Variants in VWA8 observed in about 807,000 individuals in gnomAD.
VWA8 encodes von Willebrand factor A domain containing 8.
VWA8 carries 221 observed loss-of-function variants against 241.5 expected under a neutral mutation model. The ratio of observed to expected loss-of-function variants is 0.91; its 90% CI spans 0.82 to 1.02. The LOEUF is 1.02. Among genes scored for constraint, VWA8 ranks in the 50% least tolerant of loss-of-function variants. The pLI, the probability that VWA8 is intolerant of heterozygous loss-of-function variation, is 0.00. For missense variants in VWA8, 2,322 were observed against 2,328.7 expected (o/e 1.00, Z 0.06); for synonymous variants, 852 against 827.1 (o/e 1.03, Z -0.52).
chr13:41,953,931 A>C (rs1348431665), intron 1 of VWA8, among the ~76,000 whole-genome samples: 1 of 152,246 alleles, frequency 6.6e-6, no homozygotes, highest in Non-Finnish European at 1.5e-5. Context: ...AAACATTTGG[A>C]AATCAAGCAA....
In VWA8 at chr13:41,885,994, A is replaced by C. The variant is rs61731754; in HGVS notation, c.901T>G (p.Cys301Gly). ...SQLLSFATTL[C>G]SQESSTLGLP... Reference sequence around the variant, plus strand: ...CCAAGAGTAGAAGATTCTTGGGAACACAGAGTTGTGGCAAAGGACAAGAGC... The same window carrying C: ...CCAAGAGTAGAAGATTCTTGGGAACCCAGAGTTGTGGCAAAGGACAAGAGC... Residue 301 changes from cysteine to glycine, a missense_variant, in exon 8 of 45, where the codon TGT becomes GGT. Coordinates refer to ENST00000379310, the MANE Select transcript of VWA8 (RefSeq NM_015058.2). The C allele has an allele frequency of 2.5e-6, 4 of 1,607,070 alleles. No homozygotes were observed. The highest frequency in any genetic ancestry group is 3.4e-6 in the Non-Finnish European group (4 of 1,178,280).
At chr13:41,701,017 C>A (rs1289437941) in intron 28 of VWA8, among the ~76,000 whole-genome samples, 1 of 152,188 alleles carries the variant, frequency 6.6e-6, no homozygotes, top group African/African-American at 2.4e-5. Flanking sequence ...TTAATGACTG[C>A]AAATCACTCC....
At chr13:41,901,758 C>T (rs964944554) in intron 4 of VWA8, among the ~76,000 whole-genome samples, 1 of 147,900 alleles carries the variant, frequency 6.8e-6, no homozygotes, top group Non-Finnish European at 1.5e-5. Flanking sequence ...CCCAGTTACT[C>T]GGGAGGCTGA....
At chr13:41,922,577 C>A (rs565518112) in intron 2 of VWA8, among the ~76,000 whole-genome samples, 2 of 152,070 alleles carry the variant, frequency 1.3e-5, no homozygotes, top group African/African-American at 2.4e-5. Flanking sequence ...AGAACTTAAA[C>A]AAAATTACAA....
At chr13:41,934,506 A>G (rs1195549228) in intron 2 of VWA8, among the ~76,000 whole-genome samples, 2 of 152,054 alleles carry the variant, frequency 1.3e-5, no homozygotes, top group Non-Finnish European at 2.9e-5. Flanking sequence ...ATCAATGTTG[A>G]GAGCAGCTTT....
intron 21 of VWA8, among the ~76,000 whole-genome samples, chr13:41,757,492 T>C (rs925424629): frequency 3.3e-5 from 5 of 151,812 alleles, no homozygotes; most frequent in African/African-American, 9.6e-5. Context: ...GTTTGTTACA[T>C]GGCTATATTG....
intron 28 of VWA8, 123 bp downstream of exon 28, chr13:41,701,269 T>C: frequency 8.2e-7 from 1 of 1,223,114 alleles, no homozygotes; most frequent in Non-Finnish European, 1.1e-6. Context: ...ATAATTGCTA[T>C]CCAATCCAAG....
chr13:41,815,704 T>C (rs966471676), intron 16 of VWA8, among the ~76,000 whole-genome samples: 1 of 152,176 alleles, frequency 6.6e-6, no homozygotes, highest in African/African-American at 2.4e-5. Context: ...AAAGAAAAAA[T>C]AAATTTCTAT....
At chr13:41,873,863 C>T (rs1437787776) in intron 9 of VWA8, among the ~76,000 whole-genome samples, 2 of 152,090 alleles carry the variant, frequency 1.3e-5, no homozygotes, top group African/African-American at 2.4e-5. Flanking sequence ...ATACCAAAGC[C>T]GGGCAGAGAC....
At chr13:41,960,477 G>A (rs1878559650) in intron 1 of VWA8, among the ~76,000 whole-genome samples, 1 of 152,206 alleles carries the variant, frequency 6.6e-6, no homozygotes, top group African/African-American at 2.4e-5. Context: ...GAGGCTCAGA[G>A]AGCAAGGTCA....
At chr13:41,691,635 T>C (rs772643348) in intron 31 of VWA8, among the ~76,000 whole-genome samples, 190 bp from the exon 32 acceptor site, 19 of 152,098 alleles carry the variant, frequency 1.2e-4, no homozygotes, top group Non-Finnish European at 2.4e-4. Context: ...TGTGTATAAG[T>C]AAAAATAATG....
At chr13:41,739,710 T>C (rs1371346640) in intron 21 of VWA8, among the ~76,000 whole-genome samples, 3 of 152,164 alleles carry the variant, frequency 2.0e-5, no homozygotes, top group South Asian at 2.1e-4. Context: ...ATGATAGATA[T>C]TCGTAAAGGA....
At chr13:41,776,446 C>T (rs1237755574) in intron 20 of VWA8, among the ~76,000 whole-genome samples, 2 of 152,070 alleles carry the variant, frequency 1.3e-5, no homozygotes. Context: ...CTTCATCTTC[C>T]CACTCTGGTA....
intron 44 of VWA8, among the ~76,000 whole-genome samples, chr13:41,569,605 G>A (rs998567323): frequency 1.3e-5 from 2 of 150,632 alleles, no homozygotes; most frequent in Non-Finnish European, 3.0e-5. Flanking sequence ...TAAAAGGGGT[G>A]GAATAACAAA....
chr13:41,840,440 C>T (rs1179746016), intron 12 of VWA8, among the ~76,000 whole-genome samples: 1 of 151,496 alleles, frequency 6.6e-6, no homozygotes, highest in Non-Finnish European at 1.5e-5. Flanking sequence ...ACGTTCTGCA[C>T]ATGTATCCCA....
At chr13:41,825,332 G>A (rs1383772789) in intron 14 of VWA8, among the ~76,000 whole-genome samples, 2 of 152,122 alleles carry the variant, frequency 1.3e-5, no homozygotes, top group African/African-American at 4.8e-5. Flanking sequence ...ACTATTCTGG[G>A]AGCCTAGAGA....
chr13:41,592,523 C>T (rs954561320), intron 40 of VWA8, among the ~76,000 whole-genome samples: 2 of 149,212 alleles, frequency 1.3e-5, no homozygotes. Context: ...AGCATTGACA[C>T]CAAGGAATGA....
intron 41 of VWA8, 47 bp downstream of exon 41, chr13:41,590,593 A>C (rs1479973259): frequency 2.6e-6 from 4 of 1,520,006 alleles, no homozygotes; most frequent in Non-Finnish European, 3.6e-6. Flanking sequence ...TTCTGTAAAG[A>C]GGGCTAGACT....
At chr13:41,781,457 G>A (rs1422135582) in intron 19 of VWA8, among the ~76,000 whole-genome samples, 1 of 152,018 alleles carries the variant, frequency 6.6e-6, no homozygotes, top group Admixed American at 6.6e-5. Flanking sequence ...TAAGTAAACT[G>A]CACATACTTC....
Sources: allele counts gnomAD v4.1 joint callset (sites outside exome capture counted in the v4.1 genomes callset), GRCh38; gene constraint gnomAD v4.1.1; transcripts MANE v1.5; gene names NCBI Gene and HGNC (gene_info 2026-07-23, HGNC 2026-07-21).